The following KLHL13 variants were observed in gnomAD, a reference collection of about 807,000 sequenced individuals.
The protein encoded by KLHL13 is kelch like family member 13, also known as kelch-like protein 13.
Under a neutral mutation model 37.1 loss-of-function variants are expected in KLHL13, and 10 were observed. The ratio of observed to expected loss-of-function variants is 0.27; its 90% CI spans 0.17 to 0.46. The LOEUF is 0.46. Among genes scored for constraint, KLHL13 ranks in the 20% least tolerant of loss-of-function variants. The probability of loss-of-function intolerance (pLI) is 1.00; values close to 1 mark genes in which losing one functional copy is unlikely to be tolerated. For missense variants in KLHL13, 360 were observed against 509.3 expected (o/e 0.71, Z 2.82); for synonymous variants, 163 against 181.2 (o/e 0.90, Z 0.81).
At chrX:118,035,978 G>A in intron 1 of KLHL13, among the ~76,000 whole-genome samples, 1 of 100,509 alleles carries the variant, frequency 9.9e-6, no homozygotes, top group Non-Finnish European at 1.9e-5. Flanking sequence ...AATCATGAGT[G>A]AACTCCCATT....
At chrX:118,051,903 G>T (rs113933030) in intron 1 of KLHL13, among the ~76,000 whole-genome samples, 5 of 111,371 alleles carry the variant, frequency 4.5e-5, no homozygotes, top group African/African-American at 1.6e-4. Context: ...TTTGGGGAGG[G>T]TGGTTGTGGA....
chrX:117,978,245 C>A (rs1285110444), upstream of KLHL13, among the ~76,000 whole-genome samples: 1 of 112,126 alleles, frequency 8.9e-6, no homozygotes. Flanking sequence ...ACAATACAAA[C>A]AATGTTATGC....
At chrX:118,060,000 T>A (rs193232223) in intron 1 of KLHL13, among the ~76,000 whole-genome samples, 20 of 111,829 alleles carry the variant, frequency 1.8e-4, no homozygotes, top group Non-Finnish European at 3.4e-4. Flanking sequence ...TTATAGCACA[T>A]CTACAAAGAA....
At chrX:118,063,478 G>A (rs946732316) in intron 1 of KLHL13, among the ~76,000 whole-genome samples, 2 of 111,308 alleles carry the variant, frequency 1.8e-5, no homozygotes, top group Non-Finnish European at 3.8e-5. Flanking sequence ...CCTACACTGG[G>A]CCAATATCTG....
intron 1 of KLHL13, among the ~76,000 whole-genome samples, chrX:117,955,230 G>T (rs1009302798): frequency 1.8e-5 from 2 of 111,677 alleles, no homozygotes; most frequent in Non-Finnish European, 3.8e-5. Context: ...CTGCTAAAAG[G>T]TGGTGAAAAT....
At chrX:117,990,739 G>A (rs1179720684) in intron 1 of KLHL13, among the ~76,000 whole-genome samples, 1 of 110,928 alleles carries the variant, frequency 9.0e-6, no homozygotes, top group African/African-American at 3.3e-5. Flanking sequence ...CACACAAGAG[G>A]GCCCAATGCG....
chrX:117,899,479 T>C lies in KLHL13; in HGVS notation c.1481-84A>G, dbSNP rs1468610234. On this transcript the variant is annotated intron_variant, in intron 6 of 6. Coordinates refer to ENST00000262820, the Ensembl canonical transcript of KLHL13. The stretch of plus-strand genomic sequence containing the variant: ...AAGGAGCTCTGTCACAGATAACTTT[T>C]AGTCACATATTATGACATATACCTT... 3.3e-5 allele frequency: 27 copies of C among 817,743 alleles called. No homozygotes were observed. The South Asian group carries it at 6.4e-4, about 19-fold the overall frequency. The allele number at this position is 817,743 out of a possible 1,213,427, so 67.4% of individuals were successfully genotyped here.
intron 1 of KLHL13, among the ~76,000 whole-genome samples, chrX:118,038,651 C>T (rs1392170847): frequency 2.7e-5 from 3 of 111,743 alleles, no homozygotes; most frequent in Non-Finnish European, 5.7e-5. Flanking sequence ...TGATTAGAAC[C>T]TGAGTTCCAT....
At chrX:118,037,822 A>G (rs1422796143) in intron 1 of KLHL13, among the ~76,000 whole-genome samples, 1 of 111,943 alleles carries the variant, frequency 8.9e-6, no homozygotes, top group Non-Finnish European at 1.9e-5. Context: ...ATATCTAGAG[A>G]TCAGTTAAGA....
chrX:118,008,331 C>T (rs1040377963), intron 1 of KLHL13, among the ~76,000 whole-genome samples: 1 of 112,094 alleles, frequency 8.9e-6, no homozygotes, highest in Non-Finnish European at 1.9e-5. Flanking sequence ...ATTAATAGTA[C>T]TTAACCTATC....
chrX:118,116,307 G>A (rs1186962448), intron 1 of KLHL13, among the ~76,000 whole-genome samples: 1 of 112,424 alleles, frequency 8.9e-6, no homozygotes, highest in Non-Finnish European at 1.9e-5. Context: ...AGAAAGGGAT[G>A]CGAAGGTGTA....
intron 1 of KLHL13, among the ~76,000 whole-genome samples, chrX:118,070,089 A>G (rs2054842038): frequency 8.9e-6 from 1 of 112,576 alleles, no homozygotes; most frequent in Admixed American, 9.4e-5. Context: ...CCTGTGAGCA[A>G]CAGGCTATAC....
chrX:118,093,568 G>A (rs1050688477), intron 1 of KLHL13, among the ~76,000 whole-genome samples: 2 of 111,710 alleles, frequency 1.8e-5, no homozygotes, highest in Non-Finnish European at 3.8e-5. Context: ...TATATTGAAC[G>A]ATTCCTATTA....
At chrX:118,043,125 T>C (rs57027893) in intron 1 of KLHL13, among the ~76,000 whole-genome samples, 140 of 111,034 alleles carry the variant, frequency 1.3e-3, no homozygotes, top group African/African-American at 4.1e-3. Flanking sequence ...TGACAATAAA[T>C]TGGAAAATCG....
chrX:117,924,166 G>T (rs1044584255), intron 2 of KLHL13, among the ~76,000 whole-genome samples: 4 of 111,839 alleles, frequency 3.6e-5, no homozygotes, highest in African/African-American at 1.3e-4. Flanking sequence ...TGTCAATTCA[G>T]ATTGTTTTCA....
At chrX:118,002,888 T>C (rs913077648) in intron 1 of KLHL13, among the ~76,000 whole-genome samples, 1 of 112,413 alleles carries the variant, frequency 8.9e-6, no homozygotes, top group Non-Finnish European at 1.9e-5. Context: ...CATCAAATAC[T>C]CTTTTTCTTC....
intron 2 of KLHL13, among the ~76,000 whole-genome samples, chrX:117,935,278 CAGAA>C (rs1226879474): frequency 8.9e-6 from 1 of 112,237 alleles, no homozygotes; most frequent in Non-Finnish European, 1.9e-5. Context: ...TATTTGAACA[CAGAA>C]AGGAAGGAAG....
intron 1 of KLHL13, among the ~76,000 whole-genome samples, chrX:118,013,427 GACAAAA>G (rs2054091891): frequency 9.0e-6 from 1 of 111,570 alleles, no homozygotes; most frequent in South Asian, 3.7e-4. Context: ...AGAATGAACA[GACAAAA>G]ACAAAAACAA....
At chrX:118,095,426 C>T (rs1319080273) in intron 1 of KLHL13, among the ~76,000 whole-genome samples, 1 of 111,117 alleles carries the variant, frequency 9.0e-6, no homozygotes, top group Non-Finnish European at 1.9e-5. Flanking sequence ...ACTTAGACTC[C>T]CACACAATAA....
Sources: gnomAD v4.1 joint callset for allele counts (sites outside exome capture counted in the v4.1 genomes callset) on GRCh38, gnomAD v4.1.1 for gene constraint, MANE v1.5 for transcripts, NCBI Gene and HGNC (gene_info 2026-07-23, HGNC 2026-07-21) for gene names.